Variants in SGCD observed in about 807,000 individuals in gnomAD.
The protein encoded by SGCD is sarcoglycan delta.
Under a neutral mutation model 36.6 loss-of-function variants are expected in SGCD, and 18 were observed. The observed-to-expected ratio is 0.49, with a 90% confidence interval of 0.34 to 0.73. The LOEUF is 0.73. Ranked by LOEUF, SGCD falls within the 30% of genes least tolerant of loss-of-function variation. The pLI is 0.01. For synonymous variants in SGCD, 133 were observed against 130.6 expected (o/e 1.02, Z -0.12); for missense variants, 387 against 346.7 (o/e 1.12, Z -0.92).
chr5:156,086,080 T>C (rs1176703950), intron 1 of SGCD, among the ~76,000 whole-genome samples: 2 of 152,260 alleles, frequency 1.3e-5, no homozygotes, highest in Non-Finnish European at 2.9e-5. Context: ...AATAAACTTA[T>C]GACAGTGTAC....
chr5:156,329,513 A>C, intron 1 of SGCD, 21 bp from the exon 2 acceptor site: 3 of 1,564,348 alleles, frequency 1.9e-6, no homozygotes, highest in Non-Finnish European at 2.6e-6. Flanking sequence ...CTTATTTTTA[A>C]CCCATATTTG....
At chr5:155,769,515 G>C in the SGCD span, among the ~76,000 whole-genome samples, 2 of 151,834 alleles carry the variant, frequency 1.3e-5, no homozygotes, top group African/African-American at 4.8e-5. Flanking sequence ...TCATGAGTCT[G>C]GTTCTTCCAC....
chr5:156,510,026 G>C (rs1377806392), intron 4 of SGCD, among the ~76,000 whole-genome samples: 3 of 152,154 alleles, frequency 2.0e-5, no homozygotes, highest in Admixed American at 2.0e-4. Context: ...CAGCAACTTG[G>C]TGCAGTGGCT....
intron 6 of SGCD, among the ~76,000 whole-genome samples, chr5:156,644,917 G>A (rs1458707494): frequency 8.2e-6 from 1 of 121,570 alleles, no homozygotes; most frequent in African/African-American, 2.9e-5. Context: ...GCAGTGGAGT[G>A]CATTTGAGAT....
chr5:155,963,113 G>A (rs1283179625), intron 1 of SGCD, among the ~76,000 whole-genome samples: 1 of 152,076 alleles, frequency 6.6e-6, no homozygotes, highest in East Asian at 1.9e-4. Context: ...CTGTCACCAT[G>A]GGTATTGGCA....
intron 3 of SGCD, among the ~76,000 whole-genome samples, chr5:156,467,489 G>A (rs557999819): frequency 1.7e-4 from 26 of 152,236 alleles, no homozygotes; most frequent in Admixed American, 9.8e-4. Context: ...ACACCTGTAT[G>A]GAAAAATAAA....
the SGCD span, among the ~76,000 whole-genome samples, chr5:155,746,036 T>C: frequency 6.6e-6 from 1 of 152,134 alleles, no homozygotes. Context: ...GAAATATTTA[T>C]AAAAACATTG....
chr5:156,711,509 A>G (rs181189683), intron 7 of SGCD, among the ~76,000 whole-genome samples: 1 of 152,152 alleles, frequency 6.6e-6, no homozygotes, highest in African/African-American at 2.4e-5. Context: ...GTACTTTTTA[A>G]TCAATTGTAT....
chr5:155,777,593 C>T, the SGCD span, among the ~76,000 whole-genome samples: 56 of 152,024 alleles, frequency 3.7e-4, no homozygotes, highest in Admixed American at 1.3e-3. Flanking sequence ...TAGGCTTAAG[C>T]GACCTATCCC....
At chr5:155,736,157 G>A in the SGCD span, among the ~76,000 whole-genome samples, 1 of 152,156 alleles carries the variant, frequency 6.6e-6, no homozygotes, top group Non-Finnish European at 1.5e-5. Flanking sequence ...ATCACATGGT[G>A]TCAATATTAT....
At chr5:156,534,772 G>C (rs1758028477) in intron 4 of SGCD, among the ~76,000 whole-genome samples, 1 of 152,166 alleles carries the variant, frequency 6.6e-6, no homozygotes, top group Non-Finnish European at 1.5e-5. Flanking sequence ...CGTAATATGG[G>C]TAACTAATAG....
chr5:155,796,516 T>C, the SGCD span, among the ~76,000 whole-genome samples: 6 of 151,498 alleles, frequency 4.0e-5, no homozygotes, highest in African/African-American at 7.3e-5. Context: ...TAAAAATCAA[T>C]GATTCGGCCG....
At chr5:156,489,129 G>A (rs565037791) in intron 3 of SGCD, among the ~76,000 whole-genome samples, 11 of 151,984 alleles carry the variant, frequency 7.2e-5, no homozygotes, top group Non-Finnish European at 1.3e-4. Context: ...AAGAGACAAA[G>A]ATGATCATTA....
At chr5:156,290,385 T>C (rs1045387360) in intron 3 of SGCD, among the ~76,000 whole-genome samples, 5 of 152,124 alleles carry the variant, frequency 3.3e-5, no homozygotes, top group Admixed American at 6.6e-5. Context: ...GCCTGGTTAC[T>C]CCCTAGTATC....
the SGCD span, among the ~76,000 whole-genome samples, chr5:155,844,956 C>T: frequency 6.6e-6 from 1 of 152,102 alleles, no homozygotes; most frequent in Non-Finnish European, 1.5e-5. Context: ...TATACACATG[C>T]CATGGTGGTT....
At chr5:155,767,152 T>A in the SGCD span, among the ~76,000 whole-genome samples, 1 of 152,236 alleles carries the variant, frequency 6.6e-6, no homozygotes, top group Non-Finnish European at 1.5e-5. Flanking sequence ...ACTTCGCAGA[T>A]GCTTCAGTAC....
rs1256133513 is a variant in SGCD at position 156,245,660 on chromosome 5, T to C, written c.-43-83874T>C. On this transcript the variant is annotated intron_variant, in intron 3 of 9. Coordinates refer to the SGCD transcript ENST00000517913. ...GATAAAGCCTCTAGTCTAAATATCATGTTACGGGAAATACAGGGGATAAAT... is the reference window on the plus strand; with the variant it reads ...GATAAAGCCTCTAGTCTAAATATCACGTTACGGGAAATACAGGGGATAAAT... Among the ~76,000 whole-genome samples, 6 of 152,216 alleles carry C rather than the reference T, an allele frequency of 3.9e-5. No homozygotes were observed. The East Asian group carries it at 1.2e-3, about 29-fold the overall frequency.
intron 4 of SGCD, among the ~76,000 whole-genome samples, chr5:156,561,607 G>A (rs1347601155): frequency 6.6e-6 from 1 of 152,182 alleles, no homozygotes; most frequent in African/African-American, 2.4e-5. Context: ...CTGCTTTTCT[G>A]AAGGTAGAAA....
chr5:155,952,758 A>G (rs983770652), intron 1 of SGCD, among the ~76,000 whole-genome samples: 1 of 152,174 alleles, frequency 6.6e-6, no homozygotes, highest in African/African-American at 2.4e-5. Context: ...GCAAAATGTT[A>G]TGCACTTCCT....
Sources: allele counts gnomAD v4.1 joint callset (sites outside exome capture counted in the v4.1 genomes callset), GRCh38; gene constraint gnomAD v4.1.1; transcripts MANE v1.5; gene names NCBI Gene and HGNC (gene_info 2026-07-23, HGNC 2026-07-21).